The following GRIN2B variants were observed in gnomAD, a reference collection of about 807,000 sequenced individuals.
The protein encoded by GRIN2B is glutamate ionotropic receptor NMDA type subunit 2B.
Under a neutral mutation model 114.5 loss-of-function variants are expected in GRIN2B, and 5 were observed. The observed-to-expected ratio is 0.04, with a 90% CI of 0.02 to 0.09. The LOEUF (loss-of-function observed/expected upper bound fraction) is 0.09. Among genes scored for constraint, GRIN2B ranks in the 10% least tolerant of loss-of-function variants. The pLI, the probability that GRIN2B is intolerant of heterozygous loss-of-function variation, is 1.00. For synonymous variants in GRIN2B, 787 were observed against 745.1 expected (o/e 1.06, Z -0.92); for missense variants, 1,108 against 1,943.5 (o/e 0.57, Z 8.08).
chr12:13,774,105 T>C (rs1221433788), intron 3 of GRIN2B, among the ~76,000 whole-genome samples: 2 of 152,220 alleles, frequency 1.3e-5, no homozygotes, highest in African/African-American at 2.4e-5. Flanking sequence ...GTGTGGATAC[T>C]AGAGAGAACT....
chr12:13,776,998 A>G (rs1479924555), intron 3 of GRIN2B, among the ~76,000 whole-genome samples: 1 of 152,176 alleles, frequency 6.6e-6, no homozygotes, highest in Non-Finnish European at 1.5e-5. Context: ...GGGCAGAGCA[A>G]GGGGACACTA....
chr12:13,935,210 A>G (rs937336842), intron 2 of GRIN2B, among the ~76,000 whole-genome samples: 1 of 152,202 alleles, frequency 6.6e-6, no homozygotes, highest in African/African-American at 2.4e-5. Flanking sequence ...AGGCTAGCAT[A>G]TGTGACCAGT....
chr12:13,611,143 C>G (rs1267570401), intron 9 of GRIN2B, among the ~76,000 whole-genome samples: 1 of 152,162 alleles, frequency 6.6e-6, no homozygotes, highest in African/African-American at 2.4e-5. Flanking sequence ...GAAATTGGAC[C>G]ATACCCAATA....
At position 13,563,403 on chromosome 12, in the gene GRIN2B, T is replaced by C. The variant is rs372152403; in HGVS notation, c.3835A>G (p.Thr1279Ala). The C allele has an allele frequency of 3.7e-6, 6 of 1,614,194 alleles. No individual in the cohort carries two copies. The highest frequency in any genetic ancestry group is 3.3e-5 in the Admixed American group (2 of 60,032). The stretch of plus-strand genomic sequence containing the variant: ...TTAGTCGGGCTCTGAGGGTACTTAG[T>C]GGTGGAGGCGTTTGACGTCACCGCC... ...PVAVTSNAST[T>A]KYPQSPTNSK... is the part of the protein sequence containing the mutation. The change falls in exon 14 of 14, where the codon ACT becomes GCT. Residue 1279 changes from threonine (T) to alanine (A), a missense_variant. This residue lies in a region of GRIN2B where 478 missense variants were observed against 506.0 expected (regional missense o/e 0.94). Coordinates refer to ENST00000609686, the MANE Select transcript of GRIN2B (RefSeq NM_000834.5).
chr12:13,810,689 G>C (rs991266717), intron 3 of GRIN2B, among the ~76,000 whole-genome samples: 2 of 152,168 alleles, frequency 1.3e-5, no homozygotes, highest in African/African-American at 4.8e-5. Flanking sequence ...TGAACCTGAA[G>C]GCAGATTCTA....
chr12:13,768,696 C>A (rs1438223233), intron 3 of GRIN2B, among the ~76,000 whole-genome samples: 3 of 152,124 alleles, frequency 2.0e-5, no homozygotes, highest in Admixed American at 1.3e-4. Context: ...TGTTGTGCAA[C>A]AACTTAGTTA....
intron 2 of GRIN2B, among the ~76,000 whole-genome samples, chr12:13,871,732 AG>A (rs1865911820): frequency 6.6e-6 from 1 of 150,558 alleles, no homozygotes; most frequent in East Asian, 1.9e-4. Flanking sequence ...AAAAAAAAAA[AG>A]GAGAGAAAAT....
intron 5 of GRIN2B, among the ~76,000 whole-genome samples, chr12:13,672,191 G>T (rs1167457826): frequency 6.6e-6 from 1 of 152,136 alleles, no homozygotes; most frequent in Non-Finnish European, 1.5e-5. Context: ...AAGGACCCAA[G>T]AAGTCTTCTT....
intron 10 of GRIN2B, among the ~76,000 whole-genome samples, chr12:13,602,458 T>G (rs976623513): frequency 6.6e-6 from 1 of 152,232 alleles, no homozygotes; most frequent in Non-Finnish European, 1.5e-5. Context: ...GGAGGTTGGC[T>G]GTCTCCTGCT....
chr12:13,685,079 G>A (rs893911928), intron 4 of GRIN2B, among the ~76,000 whole-genome samples: 5 of 152,180 alleles, frequency 3.3e-5, no homozygotes, highest in African/African-American at 1.2e-4. Context: ...AAGCCCTTGG[G>A]TAAGAACCTA....
intron 5 of GRIN2B, among the ~76,000 whole-genome samples, chr12:13,654,195 T>C (rs1029643029): frequency 6.6e-6 from 1 of 152,028 alleles, no homozygotes; most frequent in Non-Finnish European, 1.5e-5. Context: ...AAAAGGTAGA[T>C]GTTATTTCTG....
chr12:13,605,760 A>C (rs1949238453), intron 10 of GRIN2B, among the ~76,000 whole-genome samples: 1 of 152,196 alleles, frequency 6.6e-6, no homozygotes, highest in Admixed American at 6.5e-5. Context: ...GCTTAGTTCA[A>C]ACAGAAAAAC....
At chr12:13,701,510 G>A (rs1373773903) in intron 4 of GRIN2B, among the ~76,000 whole-genome samples, 33 of 46,250 alleles carry the variant, frequency 7.1e-4, no homozygotes, top group Admixed American at 2.7e-4. Context: ...GGATTCAGTG[G>A]CACAAAAAAA....
At chr12:13,845,004 C>T (rs1865444969) in intron 3 of GRIN2B, among the ~76,000 whole-genome samples, 1 of 152,112 alleles carries the variant, frequency 6.6e-6, no homozygotes, top group African/African-American at 2.4e-5. Context: ...ACGAATTTCT[C>T]TGCATACTTG....
At chr12:13,865,434 C>G (rs979861739) in intron 3 of GRIN2B, among the ~76,000 whole-genome samples, 1 of 151,820 alleles carries the variant, frequency 6.6e-6, no homozygotes, top group African/African-American at 2.4e-5. Flanking sequence ...GAGTTTGAGA[C>G]CAACCTGGTC....
chr12:13,858,235 C>CA (rs1254751933), intron 3 of GRIN2B, among the ~76,000 whole-genome samples: 1 of 152,060 alleles, frequency 6.6e-6, no homozygotes, highest in African/African-American at 2.4e-5. Flanking sequence ...CAGAGTTTGA[C>CA]AAAAAATAAA....
intron 4 of GRIN2B, among the ~76,000 whole-genome samples, chr12:13,749,356 A>G (rs1220175152): frequency 6.6e-6 from 1 of 152,094 alleles, no homozygotes; most frequent in Admixed American, 6.5e-5. Context: ...ACCTCCCCCT[A>G]CAATGCTTCT....
At chr12:13,717,957 CA>C (rs1423638091) in intron 4 of GRIN2B, among the ~76,000 whole-genome samples, 3 of 152,022 alleles carry the variant, frequency 2.0e-5, no homozygotes, top group African/African-American at 7.2e-5. Flanking sequence ...CTCCGTCAGG[CA>C]TTTTCTCCCA....
intron 4 of GRIN2B, among the ~76,000 whole-genome samples, chr12:13,715,349 T>G (rs1950445867): frequency 6.6e-6 from 1 of 151,860 alleles, no homozygotes; most frequent in African/African-American, 2.4e-5. Context: ...TTAAACTTAT[T>G]GCACCATTAG....
Sources: allele counts gnomAD v4.1 joint callset (sites outside exome capture counted in the v4.1 genomes callset), GRCh38; gene constraint gnomAD v4.1.1; regional missense constraint gnomAD v4.1.1; transcripts MANE v1.5; gene names NCBI Gene and HGNC (gene_info 2026-07-23, HGNC 2026-07-21).